The following ARMH4 variants were observed in gnomAD, a reference collection of about 807,000 sequenced individuals.
ARMH4 encodes armadillo-like helical domain-containing protein 4.
A neutral mutation model predicts 61.9 loss-of-function variants in ARMH4; 49 were observed. That is an observed-to-expected ratio of 0.79 (90% confidence interval 0.63 to 1.00). ARMH4 has a LOEUF of 1.00. ARMH4 is among the 50% of genes least tolerant of loss of function. The pLI is 0.00. For synonymous variants in ARMH4, 368 were observed against 341.5 expected (o/e 1.08, Z -0.85); for missense variants, 934 against 930.0 (o/e 1.00, Z -0.06).
At chr14:58,010,717 T>C (rs997786811) in intron 6 of ARMH4, among the ~76,000 whole-genome samples, 1 of 152,098 alleles carries the variant, frequency 6.6e-6, no homozygotes, top group African/African-American at 2.4e-5. Context: ...AAATATAGCC[T>C]TTCTCTAAAG....
At chr14:58,053,338 A>G (rs1056651041) in intron 5 of ARMH4, among the ~76,000 whole-genome samples, 5 of 152,198 alleles carry the variant, frequency 3.3e-5, no homozygotes, top group Admixed American at 6.5e-5. Flanking sequence ...TGCTCACAGC[A>G]TAAAATCCCA....
chr14:58,044,446 C>T (rs1445980304), intron 5 of ARMH4, among the ~76,000 whole-genome samples: 1 of 152,132 alleles, frequency 6.6e-6, no homozygotes, highest in African/African-American at 2.4e-5. Context: ...ATTCCTTACA[C>T]CTTATACAAA....
intron 5 of ARMH4, among the ~76,000 whole-genome samples, chr14:58,079,056 A>G (rs557272613): frequency 6.6e-6 from 1 of 152,338 alleles, no homozygotes; most frequent in African/African-American, 2.4e-5. Flanking sequence ...TTTTGAGACC[A>G]TGCAATTTGG....
chr14:58,095,335 G>T (rs572126277), intron 5 of ARMH4, among the ~76,000 whole-genome samples: 1 of 152,126 alleles, frequency 6.6e-6, no homozygotes, highest in African/African-American at 2.4e-5. Flanking sequence ...GTCACTTTAC[G>T]TGTAGATTTG....
At chr14:58,067,541 T>A (rs993383301) in intron 5 of ARMH4, among the ~76,000 whole-genome samples, 1 of 152,136 alleles carries the variant, frequency 6.6e-6, no homozygotes, top group African/African-American at 2.4e-5. Flanking sequence ...GGAAGGGAGA[T>A]GGTAGCAAGA....
chr14:58,018,379 T>G (rs747134405), intron 5 of ARMH4, among the ~76,000 whole-genome samples: 2 of 151,294 alleles, frequency 1.3e-5, no homozygotes. Context: ...ATATATCTGA[T>G]AAGGGGTTAA....
chr14:58,019,236 A>G (rs1170398545), intron 5 of ARMH4, among the ~76,000 whole-genome samples: 1 of 152,190 alleles, frequency 6.6e-6, no homozygotes, highest in Non-Finnish European at 1.5e-5. Flanking sequence ...AATTGCTAAA[A>G]GAGTAGATTT....
intron 5 of ARMH4, among the ~76,000 whole-genome samples, chr14:58,074,108 A>G (rs1031655555): frequency 6.6e-6 from 1 of 152,208 alleles, no homozygotes; most frequent in African/African-American, 2.4e-5. Context: ...AATGCAGGAA[A>G]CCTGAAATTC....
intron 4 of ARMH4, among the ~76,000 whole-genome samples, chr14:58,128,513 A>G (rs182897015): frequency 5.3e-5 from 8 of 152,374 alleles, no homozygotes; most frequent in Admixed American, 5.2e-4. Context: ...TCCCTAAAAA[A>G]AAGTCATACA....
At chr14:58,042,580 G>A (rs542889667) in intron 5 of ARMH4, among the ~76,000 whole-genome samples, 6 of 151,998 alleles carry the variant, frequency 3.9e-5, no homozygotes, top group African/African-American at 1.4e-4. Context: ...GCTAGCAGAA[G>A]GCAAGAAATA....
intron 5 of ARMH4, among the ~76,000 whole-genome samples, chr14:58,086,311 A>C (rs1394180094): frequency 6.6e-6 from 1 of 152,170 alleles, no homozygotes; most frequent in Admixed American, 6.5e-5. Flanking sequence ...TTCTGGAAAA[A>C]ACTAGCCTCA....
chr14:58,043,182 G>A (rs1381844823), intron 5 of ARMH4, among the ~76,000 whole-genome samples: 3 of 152,142 alleles, frequency 2.0e-5, no homozygotes, highest in African/African-American at 4.8e-5. Context: ...TATCCCTGAA[G>A]AACATCGATG....
intron 5 of ARMH4, among the ~76,000 whole-genome samples, chr14:58,051,163 C>T (rs1161754668): frequency 6.6e-6 from 1 of 151,500 alleles, no homozygotes; most frequent in Non-Finnish European, 1.5e-5. Flanking sequence ...TGCCAATGAT[C>T]ATCAACGATA....
chr14:58,028,199 C>A lies in ARMH4; in HGVS notation c.2090-16049G>T, dbSNP rs1594701795. Among the ~76,000 whole-genome samples the A allele has an allele frequency of 5.3e-5, 8 of 152,326 alleles. 2 individuals carry two copies. Among genetic ancestry groups the A allele is most frequent in the Admixed American group, 5.2e-4 (8 of 15,302 alleles). On this transcript the variant is annotated intron_variant, in intron 5 of 7. Transcript: ENST00000267485. ...TTACATTTATTTACTTTCCCTCCTGCTGGAACATTTGTTTCCTTGTGTGAT... is the reference window on the plus strand; with the variant it reads ...TTACATTTATTTACTTTCCCTCCTGATGGAACATTTGTTTCCTTGTGTGAT...
chr14:58,030,878 A>G (rs1883204621), intron 5 of ARMH4, among the ~76,000 whole-genome samples: 2 of 152,190 alleles, frequency 1.3e-5, no homozygotes, highest in South Asian at 2.1e-4. Context: ...ACACCCATCA[A>G]TGGACACTCG....
chr14:58,019,642 T>C (rs533816406), intron 5 of ARMH4, among the ~76,000 whole-genome samples: 26 of 151,974 alleles, frequency 1.7e-4, no homozygotes, highest in African/African-American at 6.3e-4. Context: ...AATACAAAAA[T>C]TAGCCGAGTA....
intron 5 of ARMH4, among the ~76,000 whole-genome samples, chr14:58,027,666 G>C (rs1883068957): frequency 6.6e-6 from 1 of 152,008 alleles, no homozygotes; most frequent in Non-Finnish European, 1.5e-5. Flanking sequence ...AGAAAATTTA[G>C]CTCATGTTCT....
Position 58,133,498 on chromosome 14 carries a change from A to G in ARMH4, c.1370-157T>C, listed in dbSNP as rs548312473. On this transcript the variant is annotated intron_variant, in intron 2 of 7. Coordinates refer to ENST00000267485, the MANE Select transcript of ARMH4 (RefSeq NM_001001872.4). ...ACTCAGAAGTAAAATGACAGTAAATAAATGTTTTCTCTGTCACGCTTTCAG... is the reference window on the plus strand; with the variant it reads ...ACTCAGAAGTAAAATGACAGTAAATGAATGTTTTCTCTGTCACGCTTTCAG... 9.8e-5 allele frequency among the ~76,000 whole-genome samples: 15 copies of G among 152,318 alleles called. No individual in the cohort carries two copies. The South Asian group carries it at 3.1e-3, about 32-fold the overall frequency.
Position 58,071,087 on chromosome 14 carries a change from G to A in ARMH4, c.2089+25637C>T, listed in dbSNP as rs180998061. 3.3e-5 allele frequency among the ~76,000 whole-genome samples: 5 copies of A among 151,402 alleles called. No individual in the cohort carries two copies. The East Asian group carries it at 9.7e-4, about 29-fold the overall frequency. On this transcript the variant is annotated intron_variant, in intron 5 of 7. Transcript: ENST00000267485. ...ACCTTTTATAATGTGAAAAATAAAT[G>A]TTCTTTTGGATGAATAAGGTGAGTG... is the stretch of plus-strand genomic sequence containing the variant.
Sources: allele counts gnomAD v4.1 joint callset (sites outside exome capture counted in the v4.1 genomes callset), GRCh38; gene constraint gnomAD v4.1.1; transcripts MANE v1.5; gene names NCBI Gene and HGNC (gene_info 2026-07-23, HGNC 2026-07-21).